The following VAV3 variants were observed in gnomAD, a reference collection of about 807,000 sequenced individuals.
The protein encoded by VAV3 is vav guanine nucleotide exchange factor 3.
Under a neutral mutation model 131.2 loss-of-function variants are expected in VAV3, and 94 were observed. The observed-to-expected ratio is 0.72, with a 90% CI of 0.61 to 0.85. The LOEUF is 0.85. Ranked by LOEUF, VAV3 falls within the 40% of genes least tolerant of loss-of-function variation. VAV3 has a pLI of 0.00. For synonymous variants in VAV3, 349 were observed against 342.0 expected, an observed-to-expected ratio of 1.02 and a Z score of -0.22; for missense variants, 939 against 1,002.7, an observed-to-expected ratio of 0.94 and a Z score of 0.86.
intron 20 of VAV3, among the ~76,000 whole-genome samples, chr1:107,620,240 A>C (rs1653461025): frequency 6.6e-6 from 1 of 152,178 alleles, no homozygotes; most frequent in Non-Finnish European, 1.5e-5. Flanking sequence ...TTCCCTGTCA[A>C]TGAGGAGCAT....
rs1670422934 is a variant in VAV3, at chr1:107,874,958, C to T, written c.264G>A (p.Met88Ile). ...FLTACCETFG[M>I]RKSELFEAFD... ...ATGCCTCGAAAAGTTCACTTTTCCT[C>T]ATTCCAAACGTCTCACAACAGGCCG... The change falls in exon 2 of 27, where the codon ATG becomes ATA. Residue 88 changes from methionine to isoleucine, a missense_variant. Coordinates refer to ENST00000370056, the MANE Select transcript of VAV3 (RefSeq NM_006113.5). The T allele has an allele frequency of 6.2e-7, 1 of 1,613,298 alleles. No individual in the cohort carries two copies. The highest frequency in any genetic ancestry group is 1.3e-5 in the African/African-American group (1 of 74,860).
At chr1:107,705,802 C>T (rs536840279) in intron 15 of VAV3, among the ~76,000 whole-genome samples, 6 of 152,176 alleles carry the variant, frequency 3.9e-5, no homozygotes, top group Non-Finnish European at 8.8e-5. Context: ...CACTAGTTTA[C>T]AAATAAGAAA....
chr1:107,752,832 C>T (rs1483123175), intron 12 of VAV3, among the ~76,000 whole-genome samples: 2 of 152,108 alleles, frequency 1.3e-5, no homozygotes. Context: ...AAAACTGAAA[C>T]CCTTGTGCAT....
chr1:107,861,207 G>A (rs962421669), intron 2 of VAV3, among the ~76,000 whole-genome samples: 13 of 151,698 alleles, frequency 8.6e-5, no homozygotes, highest in South Asian at 2.1e-4. Context: ...CTTTCTACAC[G>A]TCTATGTATT....
intron 19 of VAV3, among the ~76,000 whole-genome samples, chr1:107,646,819 A>G (rs754629859): frequency 1.3e-5 from 2 of 152,020 alleles, no homozygotes; most frequent in South Asian, 2.1e-4. Context: ...CTGGTTAAAT[A>G]AAACTAAAGC....
At chr1:107,768,991 A>T (rs1306850300) in intron 6 of VAV3, among the ~76,000 whole-genome samples, 2 of 152,112 alleles carry the variant, frequency 1.3e-5, no homozygotes, top group African/African-American at 4.8e-5. Flanking sequence ...TGTGCAGAGG[A>T]TCCTTCTAGT....
At chr1:107,772,073 C>A (rs1665081851) in intron 5 of VAV3, among the ~76,000 whole-genome samples, 1 of 152,182 alleles carries the variant, frequency 6.6e-6, no homozygotes, top group East Asian at 1.9e-4. Context: ...AAAGAAAAGT[C>A]TTTAATATAC....
intron 20 of VAV3, among the ~76,000 whole-genome samples, chr1:107,621,817 T>C (rs535389009): frequency 6.6e-6 from 1 of 152,272 alleles, no homozygotes; most frequent in East Asian, 1.9e-4. Flanking sequence ...TCCTCTCTCA[T>C]ACTTAGGTGT....
chr1:107,654,097 G>A (rs80142139), intron 19 of VAV3, among the ~76,000 whole-genome samples: 2,439 of 152,188 alleles, frequency 0.016, 103 homozygotes, highest in East Asian at 0.13. Context: ...AGCAAAAGTG[G>A]TGTTCTTTCC....
chr1:107,760,720 T>C, intron 10 of VAV3, 64 bp downstream of exon 10: 2 of 1,282,226 alleles, frequency 1.6e-6, no homozygotes, highest in South Asian at 1.3e-5. Context: ...ATGTAGTTGA[T>C]GCTTCATTAA....
chr1:107,931,032 T>A (rs72983494), intron 1 of VAV3, among the ~76,000 whole-genome samples: 4,011 of 152,266 alleles, frequency 0.026, 130 homozygotes, highest in African/African-American at 0.078. Flanking sequence ...ATCTCGTTAC[T>A]ACCTAGAGAA....
intron 1 of VAV3, among the ~76,000 whole-genome samples, chr1:107,892,558 C>A (rs1189936305): frequency 6.6e-6 from 1 of 150,948 alleles, no homozygotes; most frequent in Non-Finnish European, 1.5e-5. Flanking sequence ...TTTTTAGTTT[C>A]TTTAACCAAC....
intron 19 of VAV3, among the ~76,000 whole-genome samples, chr1:107,676,050 C>A (rs907837227): frequency 6.6e-6 from 1 of 152,196 alleles, no homozygotes; most frequent in Non-Finnish European, 1.5e-5. Context: ...AACCTAGGCA[C>A]AGTATGCCCA....
At chr1:107,693,688 C>T (rs1051150488) in intron 17 of VAV3, among the ~76,000 whole-genome samples, 3 of 152,106 alleles carry the variant, frequency 2.0e-5, no homozygotes, top group Admixed American at 6.6e-5. Context: ...TGAAATAGTC[C>T]TATTATGGGA....
At chr1:107,734,650 G>A (rs895925692) in intron 15 of VAV3, among the ~76,000 whole-genome samples, 7 of 152,186 alleles carry the variant, frequency 4.6e-5, no homozygotes, top group African/African-American at 9.7e-5. Context: ...AATTCAACAA[G>A]AAGAGCTAAC....
At chr1:107,709,810 C>A (rs547626118) in intron 15 of VAV3, among the ~76,000 whole-genome samples, 2 of 152,310 alleles carry the variant, frequency 1.3e-5, no homozygotes, top group South Asian at 4.1e-4. Flanking sequence ...TCCCCTTCTA[C>A]CATGACTATA....
intron 25 of VAV3, among the ~76,000 whole-genome samples, chr1:107,595,159 A>C (rs757540686): frequency 3.3e-5 from 5 of 152,166 alleles, no homozygotes; most frequent in Non-Finnish European, 4.4e-5. Context: ...TTTAACATAA[A>C]GTTCGCTCTA....
At chr1:107,782,645 A>G (rs1357999676) in intron 2 of VAV3, among the ~76,000 whole-genome samples, 2 of 152,258 alleles carry the variant, frequency 1.3e-5, no homozygotes, top group African/African-American at 2.4e-5. Flanking sequence ...ATGCTATTGT[A>G]CACTGAGTCC....
chr1:107,711,101 T>C (rs543266905), intron 15 of VAV3, among the ~76,000 whole-genome samples: 1 of 152,254 alleles, frequency 6.6e-6, no homozygotes, highest in East Asian at 1.9e-4. Flanking sequence ...ATAAATATTG[T>C]AAAAAAGTAC....
Sources: gnomAD v4.1 joint callset for allele counts (sites outside exome capture counted in the v4.1 genomes callset) on GRCh38, gnomAD v4.1.1 for gene constraint, MANE v1.5 for transcripts, NCBI Gene and HGNC (gene_info 2026-07-23, HGNC 2026-07-21) for gene names.